The following KCNJ15 variants were observed in gnomAD, a reference collection of about 807,000 sequenced individuals.
KCNJ15 encodes the protein potassium inwardly rectifying channel subfamily J member 15.
KCNJ15 carries 14 observed loss-of-function variants against 23.0 expected under a neutral mutation model. That is an observed-to-expected ratio of 0.61 (90% CI 0.40 to 0.95). KCNJ15 has a LOEUF of 0.95. Ranked by LOEUF, KCNJ15 falls within the 40% of genes least tolerant of loss-of-function variation. The pLI is 0.00. For synonymous variants in KCNJ15, 185 were observed against 183.2 expected (o/e 1.01, Z -0.08); for missense variants, 388 against 461.8 (o/e 0.84, Z 1.46).
Position 38,251,377 on chromosome 21 carries a change from C to T in KCNJ15, c.-398-5669C>T, listed in dbSNP as rs149426572. 3.0e-4 allele frequency among the ~76,000 whole-genome samples: 46 copies of T among 152,202 alleles called. 1 individual carries two copies. Among genetic ancestry groups the T allele is most frequent in the South Asian group, 6.2e-4 (3 of 4,826 alleles). On this transcript the variant is annotated intron_variant, in intron 1 of 4. Transcript: ENST00000547341. ...CAATTTGAATAAGGCAAGAGGAAACCGGATCACCGTTGGGTTCATGTCAGT... is the reference window on the plus strand; with the variant it reads ...CAATTTGAATAAGGCAAGAGGAAACTGGATCACCGTTGGGTTCATGTCAGT...
In KCNJ15 at chr21:38,285,981, T is replaced by C. The variant is rs188569464; in HGVS notation, c.-116-10945T>C. Among the ~76,000 whole-genome samples the C allele has an allele frequency of 3.9e-3, 601 of 152,242 alleles. 2 individuals carry two copies. The highest frequency in any genetic ancestry group is 0.014 in the African/African-American group (577 of 41,534). On this transcript the variant is annotated intron_variant, in intron 1 of 2. Transcript: ENST00000398938. ...CTTCCTGGCTGGGCGCGGTGGTTCA[T>C]GCCTGTAATCCCAGCACTTTGGGAG...
At chr21:38,236,767 T>A (rs1389039566) in intron 1 of KCNJ15, among the ~76,000 whole-genome samples, 1 of 152,226 alleles carries the variant, frequency 6.6e-6, no homozygotes, top group African/African-American at 2.4e-5. Context: ...CTTACTCCTA[T>A]GTGTGGTACA....
chr21:38,272,424 C>T (rs1982204810), intron 1 of KCNJ15: 1 of 152,320 alleles, frequency 6.6e-6, no homozygotes, highest in Non-Finnish European at 1.5e-5. Context: ...TCAGCCAGCA[C>T]AGGAGCACGT....
intron 1 of KCNJ15, chr21:38,238,690 A>C: frequency 2.1e-6 from 1 of 471,360 alleles, no homozygotes; most frequent in Non-Finnish European, 4.0e-6. Context: ...TTTAAACTCT[A>C]GGAGGAATGT....
chr21:38,288,026 C>CTTTTTTTCTTTTTT (rs1171718120), intron 1 of KCNJ15, among the ~76,000 whole-genome samples: 3 of 78,172 alleles, frequency 3.8e-5, no homozygotes, highest in African/African-American at 1.5e-4. Flanking sequence ...TTGTTTTTTT[C>CTTTTTTTCTTTTTT]TTTGTTTTTT....
intron 1 of KCNJ15, among the ~76,000 whole-genome samples, chr21:38,263,940 G>A (rs186515770): frequency 6.6e-6 from 1 of 152,072 alleles, no homozygotes; most frequent in Admixed American, 6.5e-5. Flanking sequence ...TAAAAGAGGA[G>A]GAAAATAAGA....
chr21:38,272,876 G>T (rs1982247600), intron 1 of KCNJ15, among the ~76,000 whole-genome samples: 1 of 152,140 alleles, frequency 6.6e-6, no homozygotes, highest in Admixed American at 6.5e-5. Flanking sequence ...ACACTCTAAA[G>T]ACTGGAACCT....
At chr21:38,239,898 T>A (rs751863910) in intron 1 of KCNJ15, among the ~76,000 whole-genome samples, 3 of 152,244 alleles carry the variant, frequency 2.0e-5, no homozygotes, top group African/African-American at 7.2e-5. Flanking sequence ...TGGCTCAAGT[T>A]TCCTGATCTT....
chr21:38,244,528 G>C (rs1979234878), intron 1 of KCNJ15, among the ~76,000 whole-genome samples: 1 of 152,164 alleles, frequency 6.6e-6, no homozygotes, highest in Non-Finnish European at 1.5e-5. Context: ...ATTTCATCCA[G>C]GCAGTGCCCT....
Position 38,304,742 on chromosome 21 carries a change from G to T in KCNJ15, c.*4353G>T, listed in dbSNP as rs13046401. On this transcript the variant is annotated 3_prime_UTR_variant, in exon 3 of 3. Coordinates refer to ENST00000398938, the MANE Select transcript of KCNJ15 (RefSeq NM_170736.3). Reference sequence around the variant, plus strand: ...CCAGGCTGCTAGAGTGCAGTGGCGCGATTTCGGCTCACTGCAAGTCCGCTT... The same window carrying T: ...CCAGGCTGCTAGAGTGCAGTGGCGCTATTTCGGCTCACTGCAAGTCCGCTT... 3.1e-4 allele frequency: 4 copies of T among 13,048 alleles called. No individual in the cohort carries two copies. In the Admixed American group the frequency reaches 4.6e-3, roughly 15 times the overall value. The allele number at this position is 13,048 out of a possible 1,614,324, so 0.8% of individuals were successfully genotyped here. A position where few individuals can be genotyped will look rare whatever the true frequency, so the allele number is the denominator to read the frequency against.
intron 1 of KCNJ15, among the ~76,000 whole-genome samples, chr21:38,273,927 C>A (rs1982367376): frequency 6.6e-6 from 1 of 152,232 alleles, no homozygotes. Context: ...AACTAGACAG[C>A]AGCGTCAGTA....
At chr21:38,273,153 T>A (rs534486506) in intron 1 of KCNJ15, among the ~76,000 whole-genome samples, 89 of 152,344 alleles carry the variant, frequency 5.8e-4, no homozygotes, top group African/African-American at 2.1e-3. Flanking sequence ...ATATATAGTA[T>A]TATTCAAAAG....
chr21:38,292,512 TA>T (rs1400082631), intron 1 of KCNJ15, among the ~76,000 whole-genome samples: 3 of 152,230 alleles, frequency 2.0e-5, no homozygotes, highest in Non-Finnish European at 4.4e-5. Flanking sequence ...ATGATAAATG[TA>T]AATATTGACT....
At chr21:38,261,465 A>C (rs2836252) in intron 1 of KCNJ15, among the ~76,000 whole-genome samples, 30,281 of 152,158 alleles carry the variant, frequency 0.2, 3,224 homozygotes, top group East Asian at 0.36. Context: ...AACTTATGTA[A>C]ATTTTAGCTG....
rs1413754495 is a variant in KCNJ15, at chr21:38,299,924, C to T, written c.663C>T (p.Val221=). Residue 221 remains valine (V), a synonymous_variant, in exon 3 of 3, where the codon GTC becomes GTT. Transcript: ENST00000398938. The surrounding 1 kb of genome is among the most constrained non-coding windows in gnomAD (Gnocchi z 4.5). The part of the protein sequence containing the change: ...QLSGKLLQTH[V]TKEGERILLN... ...CTGGCAAGCTCCTGCAGACCCACGT[C>T]ACCAAGGAGGGGGAGCGGATTCTCC... is the stretch of plus-strand genomic sequence containing the variant. 1 of 1,614,070 alleles carries T rather than the reference C, an allele frequency of 6.2e-7. No homozygotes were observed. Among genetic ancestry groups the T allele is most frequent in the Non-Finnish European group, 8.5e-7 (1 of 1,180,016 alleles).
At position 38,300,451 on chromosome 21, in the gene KCNJ15, A is replaced by G. The variant is rs1402048175; in HGVS notation, c.*62A>G. Reference sequence around the variant, plus strand: ...GTTTCCACATCAGAACTCCCTTCAAACACAAAGATTGCTGTGAAAACGAAA... The same window carrying G: ...GTTTCCACATCAGAACTCCCTTCAAGCACAAAGATTGCTGTGAAAACGAAA... On this transcript the variant is annotated 3_prime_UTR_variant, in exon 3 of 3. Transcript: ENST00000398938. 5 of 1,445,118 alleles carry G rather than the reference A, an allele frequency of 3.5e-6. No homozygotes were observed. The Admixed American group carries it at 9.0e-5, about 26-fold the overall frequency. The allele number at this position is 1,445,118 out of a possible 1,614,324, so 89.5% of individuals were successfully genotyped here.
intron 1 of KCNJ15, among the ~76,000 whole-genome samples, chr21:38,277,289 A>T (rs1387762719): frequency 6.6e-6 from 1 of 152,176 alleles, no homozygotes; most frequent in Non-Finnish European, 1.5e-5. Context: ...CTCAAGTTAA[A>T]TCCTTGGACC....
At position 38,306,318 on chromosome 21, in the gene KCNJ15, A is replaced by G. The variant is rs1986052945; in HGVS notation, c.*5929A>G. ...CAGTAAATAAAAGTTAGATCTACTC[A>G]AAATTAGACTCCAAGGGAATTACTA... On this transcript the variant is annotated 3_prime_UTR_variant, in exon 3 of 3. Transcript: ENST00000398938. The G allele has an allele frequency of 6.6e-6, 1 of 152,202 alleles. No individual in the cohort carries two copies. Among genetic ancestry groups the G allele is most frequent in the Admixed American group, 6.5e-5 (1 of 15,288 alleles). The allele number at this position is 152,202 out of a possible 1,614,324, so 9.4% of individuals were successfully genotyped here.
In KCNJ15 at chr21:38,251,624, A is replaced by G. The variant is rs148085720; in HGVS notation, c.-398-5422A>G. Among the ~76,000 whole-genome samples, 366 of 152,352 alleles carry G rather than the reference A, an allele frequency of 2.4e-3. 1 individual carries two copies. Among genetic ancestry groups the G allele is most frequent in the Non-Finnish European group, 4.1e-3 (281 of 68,028 alleles). ...GTGCACTCAGTGCTAACAAATTAGG[A>G]TATCAGGCCTGTATTAATGCTTTCA... On this transcript the variant is annotated intron_variant, in intron 1 of 4. Transcript: ENST00000547341.
Sources: gnomAD v4.1 joint callset for allele counts (sites outside exome capture counted in the v4.1 genomes callset) on GRCh38, gnomAD v4.1.1 for gene constraint, Gnocchi (gnomAD v3.1) non-coding constraint, MANE v1.5 for transcripts, NCBI Gene and HGNC (gene_info 2026-07-23, HGNC 2026-07-21) for gene names.